The following TAFA2 variants were observed in gnomAD, a reference collection of about 807,000 sequenced individuals.
The protein encoded by TAFA2 is TAFA chemokine like family member 2.
TAFA2 carries 7 observed loss-of-function variants against 18.8 expected under a neutral mutation model. The ratio of observed to expected loss-of-function variants is 0.37; its 90% confidence interval spans 0.21 to 0.70. The LOEUF is 0.70. TAFA2 is among the 30% of genes least tolerant of loss of function. The pLI is 0.53. For missense variants in TAFA2, 122 were observed against 158.1 expected, an observed-to-expected ratio of 0.77 and a Z score of 1.23; for synonymous variants, 60 against 54.2, an observed-to-expected ratio of 1.11 and a Z score of -0.47.
At chr12:61,959,036 C>T (rs1222009431) in intron 1 of TAFA2, among the ~76,000 whole-genome samples, 2 of 151,836 alleles carry the variant, frequency 1.3e-5, no homozygotes, top group Non-Finnish European at 2.9e-5. Context: ...TTCTTTATTT[C>T]ATATTCTCTT....
chr12:61,710,788 C>T (rs535410350), intron 4 of TAFA2, among the ~76,000 whole-genome samples: 1 of 151,958 alleles, frequency 6.6e-6, no homozygotes, highest in Non-Finnish European at 1.5e-5. Flanking sequence ...TCATACTAGG[C>T]CTCAGTGAAG....
intron 1 of TAFA2, among the ~76,000 whole-genome samples, chr12:62,025,967 GCAAACAAC>G (rs1302112149): frequency 6.6e-6 from 1 of 151,978 alleles, no homozygotes; most frequent in African/African-American, 2.4e-5. Flanking sequence ...CACTAACATG[GCAAACAAC>G]CAACCCTGTT....
At chr12:62,120,527 T>C (rs564851720) in intron 1 of TAFA2, among the ~76,000 whole-genome samples, 11 of 152,228 alleles carry the variant, frequency 7.2e-5, no homozygotes, top group Non-Finnish European at 1.6e-4. Context: ...ATGAAGACTT[T>C]TCTCCAAAAC....
intron 1 of TAFA2, among the ~76,000 whole-genome samples, chr12:62,009,717 C>G (rs965266298): frequency 2.0e-5 from 3 of 152,134 alleles, no homozygotes; most frequent in Non-Finnish European, 1.5e-5. Context: ...AATTCTATTC[C>G]TTGTTTTGCA....
chr12:62,176,377 C>T (rs1178874694), intron 1 of TAFA2, among the ~76,000 whole-genome samples: 1 of 152,102 alleles, frequency 6.6e-6, no homozygotes, highest in African/African-American at 2.4e-5. Context: ...CTGAGTTCTG[C>T]ACCAGAACTG....
rs894732844 is a variant in TAFA2 at position 61,986,977 on chromosome 12, C to T, written c.-1-119551G>A. 7.9e-5 allele frequency among the ~76,000 whole-genome samples: 12 copies of T among 152,248 alleles called. No homozygotes were observed. The South Asian group carries it at 1.7e-3, about 21-fold the overall frequency. The stretch of plus-strand genomic sequence containing the variant: ...TTCTCTTGGTCAAGAAAATGGACTT[C>T]GGCTGGCTCACATCTTGAGGAATTA... On this transcript the variant is annotated intron_variant, in intron 1 of 4. Coordinates refer to ENST00000416284, the MANE Select transcript of TAFA2 (RefSeq NM_178539.5).
chr12:62,180,959 T>G (rs2062547791), intron 1 of TAFA2, among the ~76,000 whole-genome samples: 3 of 152,238 alleles, frequency 2.0e-5, no homozygotes, highest in Admixed American at 1.3e-4. Flanking sequence ...AATTTGACAT[T>G]GACAAATATT....
chr12:61,799,792 A>C (rs1002038845), intron 2 of TAFA2, among the ~76,000 whole-genome samples: 4 of 152,178 alleles, frequency 2.6e-5, no homozygotes, highest in African/African-American at 9.6e-5. Flanking sequence ...ACTGCACTCC[A>C]GCCTGGGCGA....
At chr12:61,785,624 G>A (rs1870705905) in intron 2 of TAFA2, among the ~76,000 whole-genome samples, 2 of 151,316 alleles carry the variant, frequency 1.3e-5, no homozygotes, top group Admixed American at 1.3e-4. Flanking sequence ...TACCTATCCT[G>A]CCTTGAACTT....
intron 1 of TAFA2, among the ~76,000 whole-genome samples, chr12:62,210,479 G>C (rs1194507783): frequency 3.3e-5 from 5 of 152,084 alleles, no homozygotes; most frequent in Non-Finnish European, 7.4e-5. Context: ...GAAAAGTTAA[G>C]ACAGAGCTTC....
chr12:62,185,575 A>G (rs2062580536), intron 1 of TAFA2, among the ~76,000 whole-genome samples: 1 of 152,232 alleles, frequency 6.6e-6, no homozygotes. Context: ...TATAACTATA[A>G]CAAGGTAAAA....
intron 2 of TAFA2, among the ~76,000 whole-genome samples, chr12:61,823,369 T>A (rs996283962): frequency 6.6e-6 from 1 of 152,014 alleles, no homozygotes; most frequent in African/African-American, 2.4e-5. Context: ...CAATTTTAAA[T>A]GTTGTAAAAA....
At chr12:61,840,019 A>G (rs1341731948) in intron 2 of TAFA2, among the ~76,000 whole-genome samples, 1 of 152,094 alleles carries the variant, frequency 6.6e-6, no homozygotes, top group Non-Finnish European at 1.5e-5. Context: ...ACGAGAGTGT[A>G]CGGAATGTCC....
chr12:62,035,903 G>A (rs1050160831), intron 1 of TAFA2, among the ~76,000 whole-genome samples: 1 of 151,328 alleles, frequency 6.6e-6, no homozygotes, highest in East Asian at 1.9e-4. Flanking sequence ...CACCATGCCC[G>A]GCTAATTTTT....
At chr12:61,770,007 C>T (rs1008469816) in intron 2 of TAFA2, among the ~76,000 whole-genome samples, 6 of 151,726 alleles carry the variant, frequency 4.0e-5, no homozygotes, top group South Asian at 2.1e-4. Context: ...AGGATATGAA[C>T]GAGAAAATCT....
intron 1 of TAFA2, among the ~76,000 whole-genome samples, chr12:61,929,049 T>G (rs190989595): frequency 1.6e-4 from 24 of 151,892 alleles, no homozygotes; most frequent in African/African-American, 5.1e-4. Context: ...AGGAGAAATA[T>G]CTAATGTAAA....
intron 1 of TAFA2, chr12:62,145,575 C>A (rs912717913): frequency 6.6e-6 from 1 of 152,268 alleles, no homozygotes; most frequent in African/African-American, 2.4e-5. Context: ...CATCCTCCTC[C>A]TTCACCTTGG....
intron 1 of TAFA2, among the ~76,000 whole-genome samples, chr12:61,872,391 A>G (rs1450251967): frequency 6.6e-6 from 1 of 152,076 alleles, no homozygotes. Context: ...AATGGCATGG[A>G]CCTTAACAGA....
Position 61,758,271 on chromosome 12 carries a change from T to A in TAFA2, c.107-3247A>T, listed in dbSNP as rs559412505. The stretch of plus-strand genomic sequence containing the variant: ...GGGAGAAAGGAAATGAAGCAAGAGC[T>A]GGAATGAATCATGGGGTCAAGGGAA... On this transcript the variant is annotated intron_variant, in intron 2 of 4. Transcript: ENST00000416284. Among the ~76,000 whole-genome samples, 117 of 152,018 alleles carry A rather than the reference T, an allele frequency of 7.7e-4. 2 individuals are homozygous for A. Among genetic ancestry groups the A allele is most frequent in the African/African-American group, 2.8e-3 (115 of 41,534 alleles).
Sources: gnomAD v4.1 joint callset for allele counts (sites outside exome capture counted in the v4.1 genomes callset) on GRCh38, gnomAD v4.1.1 for gene constraint, MANE v1.5 for transcripts, NCBI Gene and HGNC (gene_info 2026-07-23, HGNC 2026-07-21) for gene names.